The following CHRNG variants were observed in gnomAD, a reference collection of about 807,000 sequenced individuals.
CHRNG encodes the protein acetylcholine receptor subunit gamma.
In CHRNG, 72 loss-of-function variants were observed where a neutral mutation model predicts 65.2. That is an observed-to-expected ratio of 1.10 (90% CI 0.91 to 1.34). The LOEUF (loss-of-function observed/expected upper bound fraction) is 1.34. Ranked by LOEUF, CHRNG falls within the 40% of genes most tolerant of loss-of-function variation. The pLI is 0.00. For synonymous variants in CHRNG, 284 were observed against 290.2 expected, an observed-to-expected ratio of 0.98 and a Z score of 0.22; for missense variants, 637 against 680.1, an observed-to-expected ratio of 0.94 and a Z score of 0.70.
At position 232,543,529 on chromosome 2, in the gene CHRNG, C is replaced by G. The variant is rs2573206; in HGVS notation, c.921-56C>G. The G allele has an allele frequency of 0.83, 1,093,816 of 1,310,424 alleles. 457,526 individuals are homozygous for G. The highest frequency in any genetic ancestry group is 0.97 in the East Asian group (41,650 of 43,134). The allele number at this position is 1,310,424 out of a possible 1,614,324, so 81.2% of individuals were successfully genotyped here. ...GGCCTGAGGGGGGGCAGCCACTAAG[C>G]GTGGGGGTGGCATCATGGTATGGGC... On this transcript the variant is annotated intron_variant, in intron 8 of 11. Transcript: ENST00000651502.
chr2:232,545,764 A>C lies in CHRNG; in HGVS notation c.*48A>C, dbSNP rs1329683219. 1.9e-6 allele frequency: 3 copies of C among 1,599,890 alleles called. No individual in the cohort carries two copies. The highest frequency in any genetic ancestry group is 4.5e-5 in the East Asian group (2 of 44,822). ...TGTGGGAGTCACACACGTGGGTCAC[A>C]CTGAGTCTTATCAGCCACGTTCTCC... On this transcript the variant is annotated 3_prime_UTR_variant, in exon 12 of 12. Coordinates refer to ENST00000651502, the MANE Select transcript of CHRNG (RefSeq NM_005199.5).
At position 232,540,447 on chromosome 2, in the gene CHRNG, C is replaced by A. The variant is rs770737982; in HGVS notation, c.240+22C>A. ...GATGGTAAGAGGCCACCCTGCCACCCTCCTTCCATCAGGGGTCCCACCCCA... is the reference window on the plus strand; with the variant it reads ...GATGGTAAGAGGCCACCCTGCCACCATCCTTCCATCAGGGGTCCCACCCCA... On this transcript the variant is annotated intron_variant, in intron 3 of 11. Transcript: ENST00000651502. The surrounding 1 kb of genome is among the most constrained non-coding windows in gnomAD (Gnocchi z 4.2). The A allele has an allele frequency of 6.2e-7, 1 of 1,613,100 alleles. No homozygotes were observed. Among genetic ancestry groups the A allele is most frequent in the African/African-American group, 1.3e-5 (1 of 74,904 alleles).
chr2:232,539,755 G>A lies in CHRNG; in HGVS notation c.8G>A (p.Gly3Glu), dbSNP rs761470012. The change falls in exon 1 of 12, where the codon GGG becomes GAG. Residue 3 changes from glycine to glutamate, a missense_variant. Gly to Glu is a moderately conservative substitution (Grantham distance 98). Coordinates refer to ENST00000651502, the MANE Select transcript of CHRNG (RefSeq NM_005199.5). ...GCAGAGAGCTGAGGCACCATGCATG[G>A]GGGCCAGGGGCCGCTGCTCCTCCTG... MHGGQGPLLLLLL... is the reference protein window; with the variant it reads MHEGQGPLLLLLL... 1.2e-6 allele frequency: 2 copies of A among 1,613,940 alleles called. No individual in the cohort carries two copies. Among genetic ancestry groups the A allele is most frequent in the South Asian group, 1.1e-5 (1 of 91,076 alleles).
rs1256789061 is a variant in CHRNG, at chr2:232,546,751, T to C, written c.*1035T>C. Among the ~76,000 whole-genome samples, 1 of 152,144 alleles carries C rather than the reference T, an allele frequency of 6.6e-6. No homozygotes were observed. The highest frequency in any genetic ancestry group is 1.9e-4 in the East Asian group (1 of 5,184). ...GCGGGACTCCACACAACAGTGGTGG[T>C]TAAACAAGGTTTGAAGTCCAGAATT... On this transcript the variant is annotated 3_prime_UTR_variant, in exon 12 of 12. Coordinates refer to ENST00000651502, the MANE Select transcript of CHRNG (RefSeq NM_005199.5).
chr2:232,542,844 C>T (rs550604447), intron 6 of CHRNG, 38 bp from the exon 7 acceptor site: 4 of 1,581,148 alleles, frequency 2.5e-6, no homozygotes, highest in Non-Finnish European at 3.5e-6. Flanking sequence ...CTAGCTCACG[C>T]TTCTTGTGCC....
chr2:232,544,260 C>T (rs116388709), intron 9 of CHRNG, 107 bp from the exon 10 acceptor site: 473 of 874,344 alleles, frequency 5.4e-4, no homozygotes, highest in Admixed American at 9.8e-4. Flanking sequence ...GTCACTGCCC[C>T]GGTATGCTGC....
chr2:232,541,222 T>G lies in CHRNG; in HGVS notation c.351-152T>G. ...CAGGAGGATTGCTGGGGGGACCTAG[T>G]GGTCCGGGTGGGAACCAGTCAGGGG... On this transcript the variant is annotated intron_variant, in intron 4 of 11. Transcript: ENST00000651502. The surrounding 1 kb of genome is among the most constrained non-coding windows in gnomAD (Gnocchi z 4.0). The G allele has an allele frequency of 1.1e-6, 1 of 874,490 alleles. No homozygotes were observed. Among genetic ancestry groups the G allele is most frequent in the South Asian group, 1.4e-5 (1 of 71,430 alleles). The allele number at this position is 874,490 out of a possible 1,614,324, so 54.2% of individuals were successfully genotyped here. A position where few individuals can be genotyped will look rare whatever the true frequency, so the allele number is the denominator to read the frequency against.
rs2106221882 is a variant in CHRNG at position 232,543,255 on chromosome 2, A to C, written c.806-20A>C. On this transcript the variant is annotated intron_variant, in intron 7 of 11. Coordinates refer to ENST00000651502, the MANE Select transcript of CHRNG (RefSeq NM_005199.5). ...GGGGGAGGTAGGAACCTGCTCTGAG[A>C]GCCTCTCGGTCATGGATAGCTGGGG... is the stretch of plus-strand genomic sequence containing the variant. 6.2e-7 allele frequency: 1 copy of C among 1,605,668 alleles called. No homozygotes were observed. The highest frequency in any genetic ancestry group is 8.5e-7 in the Non-Finnish European group (1 of 1,172,628).
rs1166276704 is a variant in CHRNG at position 232,540,809 on chromosome 2, G to A, written c.350+98G>A. On this transcript the variant is annotated intron_variant, in intron 4 of 11. Transcript: ENST00000651502. This position sits in a 1 kb window ranked among gnomAD's most constrained non-coding sequence, Gnocchi z 4.2. ...CTGGGAAAAGAGAAAGATGAGCAGA[G>A]GGTGCAAATCGGGCACCTGTGGGGC... 3.4e-6 allele frequency: 4 copies of A among 1,173,896 alleles called. No individual in the cohort carries two copies. In the East Asian group the frequency reaches 7.6e-5, roughly 22 times the overall value. 72.7% of individuals were successfully genotyped at this position (1,173,896 alleles called of 1,614,324 possible).
Position 232,541,449 on chromosome 2 carries a change from G to T in CHRNG, c.426G>T (p.Pro142=), listed in dbSNP as rs375894671. Residue 142 remains proline (P), a synonymous_variant, in exon 5 of 12, where the codon CCG becomes CCT. Coordinates refer to ENST00000651502, the MANE Select transcript of CHRNG (RefSeq NM_005199.5). The surrounding 1 kb of genome is among the most constrained non-coding windows in gnomAD (Gnocchi z 4.0). ...VSPDGCIYWL[P]PAIFRSACSI... ...CTGACGGCTGTATCTACTGGCTGCC[G>T]CCTGCCATCTTCCGTTCCGCCTGCT... 1.2e-6 allele frequency: 2 copies of T among 1,614,104 alleles called. No individual in the cohort carries two copies. Among genetic ancestry groups the T allele is most frequent in the South Asian group, 2.2e-5 (2 of 91,086 alleles).
At chr2:232,539,958 A>C (rs768717602) in intron 1 of CHRNG, 34 bp from the exon 2 acceptor site, 1 of 1,613,678 alleles carries the variant, frequency 6.2e-7, no homozygotes, top group Non-Finnish European at 8.5e-7. Context: ...TTCCACCTCC[A>C]AGCTCCTGCT....
In CHRNG at chr2:232,541,250, G is replaced by A. The variant is rs1692009191; in HGVS notation, c.351-124G>A. On this transcript the variant is annotated intron_variant, in intron 4 of 11. Coordinates refer to ENST00000651502, the MANE Select transcript of CHRNG (RefSeq NM_005199.5). The surrounding 1 kb of genome is among the most constrained non-coding windows in gnomAD (Gnocchi z 4.0). ...TCCGGGTGGGAACCAGTCAGGGGGT[G>A]ACAGGCTGGTAGGGACTGGTGTCCC... The A allele has an allele frequency of 2.4e-6, 3 of 1,232,640 alleles. No homozygotes were observed. The highest frequency in any genetic ancestry group is 3.5e-6 in the Non-Finnish European group (3 of 846,884). 76.4% of individuals were successfully genotyped at this position (1,232,640 alleles called of 1,614,324 possible). A position where few individuals can be genotyped will look rare whatever the true frequency, so the allele number is the denominator to read the frequency against.
chr2:232,545,011 A>G, intron 11 of CHRNG, 109 bp downstream of exon 11: 1 of 1,432,628 alleles, frequency 7.0e-7, no homozygotes, highest in Non-Finnish European at 9.7e-7. Context: ...ATGGAAAAAC[A>G]TGAGGCCGGG....
Position 232,544,567 on chromosome 2 carries a change from G to A in CHRNG, c.1236G>A (p.Ala412=). 7.4e-6 allele frequency: 12 copies of A among 1,612,946 alleles called. No homozygotes were observed. Among genetic ancestry groups the A allele is most frequent in the East Asian group, 6.7e-5 (3 of 44,862 alleles). Residue 412 remains alanine, a synonymous_variant, in exon 10 of 12, where the codon GCG becomes GCA. Transcript: ENST00000651502. Reference sequence around the variant, plus strand: ...AGCGGCAAGGGCTGGTGGCGGCAGCGCTGGAGAAGCTAGGTGAGACACACC... The same window carrying A: ...AGCGGCAAGGGCTGGTGGCGGCAGCACTGGAGAAGCTAGGTGAGACACACC... ...QWQRQGLVAA[A]LEKLEKGPEL...
intron 9 of CHRNG, 117 bp from the exon 10 acceptor site, chr2:232,544,250 G>C: frequency 1.2e-6 from 1 of 833,228 alleles, no homozygotes; most frequent in Non-Finnish European, 2.1e-6. Context: ...CCAAGGCCAC[G>C]TCACTGCCCC....
At position 232,540,131 on chromosome 2, in the gene CHRNG, G is replaced by A; in HGVS notation, c.195G>A (p.Leu65=). Residue 65 remains leucine (L), a splice_region_variant and synonymous_variant, in exon 2 of 12, where the codon CTG becomes CTA. Coordinates refer to ENST00000651502, the MANE Select transcript of CHRNG (RefSeq NM_005199.5). This position sits in a 1 kb window ranked among gnomAD's most constrained non-coding sequence, Gnocchi z 4.2. ...LKLTLTNLIS[L]NEREEALTTN... ...TAACCCTCACCAACCTCATCTCCCTGGTAAGCCGCAGGACGGAGGAGGGGT... is the reference window on the plus strand; with the variant it reads ...TAACCCTCACCAACCTCATCTCCCTAGTAAGCCGCAGGACGGAGGAGGGGT... 1 of 1,614,154 alleles carries A rather than the reference G, an allele frequency of 6.2e-7. No homozygotes were observed. The highest frequency in any genetic ancestry group is 1.1e-5 in the South Asian group (1 of 91,092).
Position 232,540,468 on chromosome 2 carries a change from C to T in CHRNG, c.240+43C>T. On this transcript the variant is annotated intron_variant, in intron 3 of 11. Transcript: ENST00000651502. This position sits in a 1 kb window ranked among gnomAD's most constrained non-coding sequence, Gnocchi z 4.2. Reference sequence around the variant, plus strand: ...CACCCTCCTTCCATCAGGGGTCCCACCCCACCACCCCAAGGCCTCCTGAGA... The same window carrying T: ...CACCCTCCTTCCATCAGGGGTCCCATCCCACCACCCCAAGGCCTCCTGAGA... The T allele has an allele frequency of 6.2e-7, 1 of 1,610,302 alleles. No individual in the cohort carries two copies. The highest frequency in any genetic ancestry group is 8.5e-7 in the Non-Finnish European group (1 of 1,178,512).
chr2:232,545,520 C>T, intron 11 of CHRNG, 23 bp from the exon 12 acceptor site: 1 of 1,611,248 alleles, frequency 6.2e-7, no homozygotes, highest in South Asian at 1.1e-5. Flanking sequence ...GCTGGTTATC[C>T]CACACCTGCC....
intron 9 of CHRNG, 82 bp from the exon 10 acceptor site, chr2:232,544,285 G>T: frequency 9.6e-7 from 1 of 1,045,752 alleles, no homozygotes; most frequent in Non-Finnish European, 1.5e-6. Flanking sequence ...ATGGTCCCTA[G>T]CAGCACAAGC....
Sources: allele counts gnomAD v4.1 joint callset (sites outside exome capture counted in the v4.1 genomes callset), GRCh38; gene constraint gnomAD v4.1.1; non-coding constraint Gnocchi (gnomAD v3.1); transcripts MANE v1.5; gene names NCBI Gene and HGNC (gene_info 2026-07-23, HGNC 2026-07-21).